SBNO2: variants seen among roughly 807,000 people sequenced by gnomAD.
SBNO2 encodes strawberry notch homolog 2.
In SBNO2, 89 loss-of-function variants were observed where a neutral mutation model predicts 146.3. That is an observed-to-expected ratio of 0.61 (90% CI 0.51 to 0.73). The LOEUF is 0.73. Among genes scored for constraint, SBNO2 ranks in the 30% least tolerant of loss-of-function variants. The pLI, the probability that SBNO2 is intolerant of heterozygous loss-of-function variation, is 0.00. For missense variants in SBNO2, 2,092 were observed against 2,003.7 expected, an observed-to-expected ratio of 1.04 and a Z score of -0.84; for synonymous variants, 1,147 against 892.6, an observed-to-expected ratio of 1.29 and a Z score of -5.08.
intron 1 of SBNO2, among the ~76,000 whole-genome samples, chr19:1,168,327 G>A (rs376646910): frequency 4.6e-5 from 7 of 152,026 alleles, no homozygotes; most frequent in Admixed American, 1.3e-4. Context: ...AAAATGCCCC[G>A]GTCAGCCCAG....
At position 1,165,715 on chromosome 19, in the gene SBNO2, TCAGACCCCAGATCTCAGACTC is replaced by T. The variant is rs2080409384; in HGVS notation, c.-127+8436_-127+8456del. 5.1e-4 allele frequency among the ~76,000 whole-genome samples: 10 copies of T among 19,670 alleles called. 1 individual carries two copies. The highest frequency in any genetic ancestry group is 4.0e-4 in the African/African-American group (2 of 5,050). The allele number at this position is 19,670 out of a possible 152,430, so 12.9% of individuals were successfully genotyped here. ...GATCTCAGACCCCAGACCCCAGATCTCAGACCCCAGATCTCAGACTCCAGACCCCAGATCTCAGACCCCAGA... is the reference window on the plus strand; with the variant it reads ...GATCTCAGACCCCAGACCCCAGATCTCAGACCCCAGATCTCAGACCCCAGA... On this transcript the variant is annotated intron_variant, in intron 1 of 31. Transcript: ENST00000361757.
At position 1,158,694 on chromosome 19, in the gene SBNO2, G is replaced by C. The variant is rs2080315312; in HGVS notation, c.-126-4292C>G. ...GGCAGAGGCCACCGCACAGTCCCTG[G>C]AGGCCGCATTACCTCAGCCGAGGTT... On this transcript the variant is annotated intron_variant, in intron 1 of 31. Transcript: ENST00000361757. This position sits in a 1 kb window ranked among gnomAD's most constrained non-coding sequence, Gnocchi z 9.9. Among the ~76,000 whole-genome samples the C allele has an allele frequency of 6.6e-6, 1 of 152,174 alleles. No individual in the cohort carries two copies. Among genetic ancestry groups the C allele is most frequent in the Admixed American group, 6.5e-5 (1 of 15,284 alleles).
In SBNO2 at chr19:1,108,142, C is replaced by G; in HGVS notation, c.*78G>C. ...CTCCTCTGAGCAGTGGTCAGGGGAC[C>G]TTGGCCCTGCTCCCCACCGCTGCTC... is the stretch of plus-strand genomic sequence containing the variant. On this transcript the variant is annotated 3_prime_UTR_variant, in exon 32 of 32. Coordinates refer to ENST00000361757, the MANE Select transcript of SBNO2 (RefSeq NM_014963.3). The G allele has an allele frequency of 2.8e-6, 4 of 1,404,568 alleles. No individual in the cohort carries two copies. The highest frequency in any genetic ancestry group is 3.8e-6 in the Non-Finnish European group (4 of 1,062,510). 87.0% of individuals were successfully genotyped at this position (1,404,568 alleles called of 1,614,324 possible). A position where few individuals can be genotyped will look rare whatever the true frequency, so the allele number is the denominator to read the frequency against.
In SBNO2 at chr19:1,119,952, C is replaced by A. The variant is rs759135772; in HGVS notation, c.1221G>T (p.Leu407=). 3 of 1,550,610 alleles carry A rather than the reference C, an allele frequency of 1.9e-6. No individual in the cohort carries two copies. Among genetic ancestry groups the A allele is most frequent in the Non-Finnish European group, 1.7e-6 (2 of 1,147,182 alleles). ...STKMGKAVLD[L]QNKLPLARVV... is the part of the protein sequence containing the mutation. Reference sequence around the variant, plus strand: ...CGCGGGCCAGGGGCAGCTTGTTCTGCAGGTCTAGCACAGCCTTGCCCATCT... The same window carrying A: ...CGCGGGCCAGGGGCAGCTTGTTCTGAAGGTCTAGCACAGCCTTGCCCATCT... Residue 407 remains leucine (L), a synonymous_variant, in exon 12 of 32, where the codon CTG becomes CTT. Coordinates refer to ENST00000361757, the MANE Select transcript of SBNO2 (RefSeq NM_014963.3).
rs1356732751 is a variant in SBNO2 at position 1,108,807 on chromosome 19, C to T, written c.3588G>A (p.Leu1196=). Residue 1196 remains leucine, a synonymous_variant, in exon 31 of 32, where the codon CTG becomes CTA. Transcript: ENST00000361757. ...CTTGCTTCTTCCTGTCCTTGGTCTT[C>T]AGCCGCACGATCTGCAGGTAGCTGC... ...SSSSYLQIVR[L]KTKDRKKQVG... 1.9e-6 allele frequency: 3 copies of T among 1,603,084 alleles called. No individual in the cohort carries two copies. Among genetic ancestry groups the T allele is most frequent in the African/African-American group, 2.7e-5 (2 of 74,858 alleles).
chr19:1,169,651 AC>A (rs1481293423), intron 1 of SBNO2, among the ~76,000 whole-genome samples: 2 of 149,974 alleles, frequency 1.3e-5, no homozygotes, highest in Admixed American at 1.4e-4. Flanking sequence ...GCTGCCCATC[AC>A]CCCTTGATGC....
At chr19:1,152,060 T>C (rs535880366) in intron 2 of SBNO2, among the ~76,000 whole-genome samples, 38 of 152,334 alleles carry the variant, frequency 2.5e-4, no homozygotes, top group Non-Finnish European at 5.1e-4. Flanking sequence ...GTCCATGACG[T>C]ACCCGAATGT....
intron 4 of SBNO2, among the ~76,000 whole-genome samples, chr19:1,142,485 G>A (rs1401383506): frequency 1.3e-5 from 2 of 151,594 alleles, no homozygotes; most frequent in East Asian, 3.9e-4. Flanking sequence ...TTCGAGACCA[G>A]CCTGGCCAAT....
chr19:1,124,858 C>T lies in SBNO2; in HGVS notation c.442-836G>A, dbSNP rs537199176. ...CCCAGGGGTCTCCGAACTGACTGGGCGTGTAAAGCCTGTGAACGGGTGGGT... is the reference window on the plus strand; with the variant it reads ...CCCAGGGGTCTCCGAACTGACTGGGTGTGTAAAGCCTGTGAACGGGTGGGT... On this transcript the variant is annotated intron_variant, in intron 5 of 31. Transcript: ENST00000361757. Among the ~76,000 whole-genome samples the T allele has an allele frequency of 1.4e-4, 22 of 152,100 alleles. No homozygotes were observed. In the South Asian group the frequency reaches 4.2e-3, roughly 29 times the overall value.
intron 4 of SBNO2, among the ~76,000 whole-genome samples, chr19:1,129,471 C>T (rs2080003758): frequency 6.6e-6 from 1 of 152,120 alleles, no homozygotes; most frequent in Non-Finnish European, 1.5e-5. Flanking sequence ...CCATGCTGCC[C>T]GCCTGAGGCC....
chr19:1,164,423 G>A (rs1599882735), intron 1 of SBNO2, among the ~76,000 whole-genome samples: 1 of 98,162 alleles, frequency 1.0e-5, no homozygotes, highest in African/African-American at 3.1e-5. Flanking sequence ...GGAGGAACAG[G>A]AGGAGGAGGA....
chr19:1,168,810 C>A (rs2080450280), intron 1 of SBNO2: 2 of 152,278 alleles, frequency 1.3e-5, no homozygotes, highest in African/African-American at 2.4e-5. Context: ...CCCTCCCCAG[C>A]AAGTGAGTCA....
In SBNO2 at chr19:1,118,995, G is replaced by C; in HGVS notation, c.1527+16C>G. On this transcript the variant is annotated intron_variant, in intron 14 of 31. Coordinates refer to ENST00000361757, the MANE Select transcript of SBNO2 (RefSeq NM_014963.3). ...GGAAACGCACAGGGGTCCCCGGGTC[G>C]GGTGCGCAGGCTCACCAGCAGGGCC... is the stretch of plus-strand genomic sequence containing the variant. 1 of 1,570,950 alleles carries C rather than the reference G, an allele frequency of 6.4e-7. No individual in the cohort carries two copies. The highest frequency in any genetic ancestry group is 1.1e-5 in the South Asian group (1 of 88,326).
chr19:1,166,709 C>A (rs2080429605), intron 1 of SBNO2, among the ~76,000 whole-genome samples: 1 of 152,328 alleles, frequency 6.6e-6, no homozygotes, highest in Admixed American at 6.5e-5. Flanking sequence ...CTGTGGTCCC[C>A]TCTAACCTAC....
At chr19:1,172,846 C>A (rs2080494005) in intron 1 of SBNO2, among the ~76,000 whole-genome samples, 1 of 150,298 alleles carries the variant, frequency 6.7e-6, no homozygotes, top group Non-Finnish European at 1.5e-5. Context: ...GGCACTCTCG[C>A]TGACAGGGCG....
rs1386306792 is a variant in SBNO2 at position 1,127,508 on chromosome 19, T to A, written c.441+96A>T. 2.6e-6 allele frequency: 3 copies of A among 1,150,398 alleles called. No individual in the cohort carries two copies. In the African/African-American group the frequency reaches 4.5e-5, roughly 17 times the overall value. The allele number at this position is 1,150,398 out of a possible 1,614,324, so 71.3% of individuals were successfully genotyped here. On this transcript the variant is annotated intron_variant, in intron 5 of 31. Coordinates refer to ENST00000361757, the MANE Select transcript of SBNO2 (RefSeq NM_014963.3). ...CAGGCACAGCCATTGGCACGCAGAG[T>A]GGGGGAGACTGAGACCTCACTGGAC...
At chr19:1,147,487 G>T in intron 3 of SBNO2, 67 bp from the exon 4 acceptor site, 1 of 904,842 alleles carries the variant, frequency 1.1e-6, no homozygotes, top group Non-Finnish European at 1.6e-6. Flanking sequence ...TAACACACCT[G>T]CACCCCCATG....
intron 11 of SBNO2, 135 bp downstream of exon 11, chr19:1,122,004 C>T: frequency 1.7e-6 from 1 of 574,604 alleles, no homozygotes; most frequent in East Asian, 7.2e-5. Context: ...CCAGCCCCAC[C>T]CCTCCGCTCC....
intron 1 of SBNO2, among the ~76,000 whole-genome samples, chr19:1,165,748 TCTCAGACCCCAGAC>T (rs1568646931): frequency 7.8e-5 from 4 of 51,232 alleles, no homozygotes; most frequent in Non-Finnish European, 1.6e-4. Context: ...AGACCCCAGA[TCTCAGACCCCAGAC>T]CCCAGATCTC....
Sources: allele counts gnomAD v4.1 joint callset (sites outside exome capture counted in the v4.1 genomes callset), GRCh38; gene constraint gnomAD v4.1.1; non-coding constraint Gnocchi (gnomAD v3.1); transcripts MANE v1.5; gene names NCBI Gene and HGNC (gene_info 2026-07-23, HGNC 2026-07-21).